CAPN9: variants seen among roughly 807,000 people sequenced by gnomAD.
CAPN9 encodes the protein calpain-9.
Under a neutral mutation model 92.8 loss-of-function variants are expected in CAPN9, and 81 were observed. The observed-to-expected ratio is 0.87, with a 90% CI of 0.73 to 1.05. CAPN9 has a LOEUF of 1.05. Among genes scored for constraint, CAPN9 ranks in the 50% least tolerant of loss-of-function variants. The probability of loss-of-function intolerance (pLI) is 0.00; values close to 1 mark genes in which losing one functional copy is unlikely to be tolerated. For missense variants in CAPN9, 848 were observed against 866.2 expected, an observed-to-expected ratio of 0.98 and a Z score of 0.26; for synonymous variants, 304 against 328.0, an observed-to-expected ratio of 0.93 and a Z score of 0.79.
At chr1:230,769,072 C>A in intron 5 of CAPN9, 108 bp from the exon 6 acceptor site, 2 of 836,900 alleles carry the variant, frequency 2.4e-6, no homozygotes, top group Non-Finnish European at 4.0e-6. Flanking sequence ...CCTGGGGCAG[C>A]AGAAGGGGCT....
intron 11 of CAPN9, among the ~76,000 whole-genome samples, chr1:230,785,492 G>A (rs780119807): frequency 2.6e-5 from 4 of 152,256 alleles, no homozygotes; most frequent in East Asian, 1.9e-4. Context: ...CTGTCTTCAC[G>A]ATAGTGAGTT....
intron 3 of CAPN9, among the ~76,000 whole-genome samples, chr1:230,760,067 A>G (rs971268036): frequency 4.6e-5 from 7 of 152,198 alleles, no homozygotes; most frequent in African/African-American, 1.7e-4. Context: ...AGAAAAATAC[A>G]GACAACATCT....
intron 16 of CAPN9, 73 bp from the exon 17 acceptor site, chr1:230,792,777 T>C: frequency 7.7e-7 from 1 of 1,290,364 alleles, no homozygotes; most frequent in South Asian, 1.2e-5. Context: ...GGGCTGGCTG[T>C]CACCCATTTA....
chr1:230,801,937 T>G lies in CAPN9; in HGVS notation c.*341T>G, dbSNP rs28359750. 0.011 allele frequency: 3,688 copies of G among 339,216 alleles called. 122 individuals carry two copies. Among genetic ancestry groups the G allele is most frequent in the African/African-American group, 0.068 (3,366 of 49,186 alleles). 21.0% of individuals were successfully genotyped at this position (339,216 alleles called of 1,614,324 possible). On this transcript the variant is annotated 3_prime_UTR_variant, in exon 20 of 20. Coordinates refer to ENST00000271971, the MANE Select transcript of CAPN9 (RefSeq NM_006615.3). The stretch of plus-strand genomic sequence containing the variant: ...CTAACGCACAGAATCCTGACTTCCA[T>G]GTAGCTCCAGTCATTGTGATCAGAC...
chr1:230,774,274 T>C (rs1666587283), intron 7 of CAPN9, among the ~76,000 whole-genome samples: 1 of 152,242 alleles, frequency 6.6e-6, no homozygotes, highest in Non-Finnish European at 1.5e-5. Flanking sequence ...CAATGCCTTG[T>C]GACTATCCCA....
In CAPN9 at chr1:230,758,593, T is replaced by C. The variant is rs529714199; in HGVS notation, c.284-919T>C. Among the ~76,000 whole-genome samples, 10 of 152,292 alleles carry C rather than the reference T, an allele frequency of 6.6e-5. No individual in the cohort carries two copies. The South Asian group carries it at 2.1e-3, about 32-fold the overall frequency. ...CCGATGTTCAGCCCTGGCGAGTCTC[T>C]CTTGCCTGTGTCAAACAGCCAGAAA... On this transcript the variant is annotated intron_variant, in intron 2 of 19. Transcript: ENST00000271971.
At chr1:230,768,579 A>G (rs1666165345) in intron 5 of CAPN9, among the ~76,000 whole-genome samples, 1 of 152,132 alleles carries the variant, frequency 6.6e-6, no homozygotes, top group Non-Finnish European at 1.5e-5. Context: ...TATGAAAAAA[A>G]TAGCAGATAG....
At chr1:230,759,887 G>A (rs1451211555) in intron 3 of CAPN9, among the ~76,000 whole-genome samples, 3 of 152,164 alleles carry the variant, frequency 2.0e-5, no homozygotes, top group Admixed American at 6.5e-5. Context: ...AAATCTGGAG[G>A]TCCATCTGTT....
chr1:230,762,894 A>T, intron 4 of CAPN9, 108 bp downstream of exon 4: 1 of 1,239,502 alleles, frequency 8.1e-7, no homozygotes. Context: ...CTGGGTTTGC[A>T]GGTGAGGCTC....
intron 12 of CAPN9, among the ~76,000 whole-genome samples, chr1:230,786,440 A>G (rs557139364): frequency 2.6e-5 from 4 of 152,384 alleles, no homozygotes; most frequent in African/African-American, 9.6e-5. Context: ...GAAGGATTAC[A>G]TAATTGTTTT....
intron 14 of CAPN9, among the ~76,000 whole-genome samples, chr1:230,790,956 GA>G (rs1667940898): frequency 1.3e-5 from 2 of 151,948 alleles, no homozygotes; most frequent in Non-Finnish European, 2.9e-5. Flanking sequence ...GTTTCAGGGG[GA>G]AAAAAAGGAA....
At chr1:230,779,206 GGCCGGGTCCTCA>G (rs1667043661) in intron 9 of CAPN9, 73 bp downstream of exon 9, 1 of 1,415,750 alleles carries the variant, frequency 7.1e-7, no homozygotes. Context: ...AAAGGATAAG[GGCCGGGTCCTCA>G]GAGAAAGCCT....
At chr1:230,762,480 C>T (rs111895029) in intron 3 of CAPN9, among the ~76,000 whole-genome samples, 173 bp from the exon 4 acceptor site, 13 of 152,292 alleles carry the variant, frequency 8.5e-5, no homozygotes, top group African/African-American at 3.1e-4. Flanking sequence ...CAGCTTGTAA[C>T]TTGGTGGACA....
At chr1:230,757,984 G>T (rs951247714) in intron 2 of CAPN9, among the ~76,000 whole-genome samples, 3 of 152,150 alleles carry the variant, frequency 2.0e-5, no homozygotes, top group African/African-American at 7.2e-5. Flanking sequence ...GCACCACCCA[G>T]ATAGCCGAGC....
chr1:230,782,640 C>T (rs1341787302), intron 11 of CAPN9, among the ~76,000 whole-genome samples: 2 of 152,130 alleles, frequency 1.3e-5, no homozygotes, highest in African/African-American at 4.8e-5. Flanking sequence ...AGCACAGAGA[C>T]ACCCATCCCT....
At chr1:230,751,879 A>AG (rs1263334041) in intron 1 of CAPN9, among the ~76,000 whole-genome samples, 14 of 42,322 alleles carry the variant, frequency 3.3e-4, no homozygotes, top group African/African-American at 1.1e-3. Flanking sequence ...GGGGAGGGGG[A>AG]GGGGTCTGCG....
At chr1:230,800,721 C>T (rs907372718) in intron 19 of CAPN9, among the ~76,000 whole-genome samples, 1 of 152,200 alleles carries the variant, frequency 6.6e-6, no homozygotes, top group African/African-American at 2.4e-5. Context: ...ATACCCCAGC[C>T]ACTCCCTAGA....
At chr1:230,798,036 C>T (rs527376285) in intron 18 of CAPN9, 126 bp from the exon 19 acceptor site, 1 of 709,710 alleles carries the variant, frequency 1.4e-6, no homozygotes, top group Non-Finnish European at 2.5e-6. Context: ...GATGAAAGTC[C>T]TTGTTTACCA....
At chr1:230,754,214 T>C (rs1404231755) in intron 1 of CAPN9, among the ~76,000 whole-genome samples, 1 of 152,102 alleles carries the variant, frequency 6.6e-6, no homozygotes, top group Non-Finnish European at 1.5e-5. Context: ...CCCTCTCTCT[T>C]TGTTGTCGTC....
Sources: gnomAD v4.1 joint callset for allele counts (sites outside exome capture counted in the v4.1 genomes callset) on GRCh38, gnomAD v4.1.1 for gene constraint, MANE v1.5 for transcripts, NCBI Gene and HGNC (gene_info 2026-07-23, HGNC 2026-07-21) for gene names.